The following PCSK5 variants were observed in gnomAD, a reference collection of about 807,000 sequenced individuals.
PCSK5 encodes the protein prohormone convertase 5.
PCSK5 carries 129 observed loss-of-function variants against 233.2 expected under a neutral mutation model. That is an observed-to-expected ratio of 0.55 (90% CI 0.48 to 0.64). The LOEUF (loss-of-function observed/expected upper bound fraction) is 0.64. PCSK5 is among the 30% of genes least tolerant of loss of function. The probability of loss-of-function intolerance (pLI) is 0.00; values close to 1 mark genes in which losing one functional copy is unlikely to be tolerated. For missense variants in PCSK5, 2,076 were observed against 2,430.1 expected, an observed-to-expected ratio of 0.85 and a Z score of 3.06; for synonymous variants, 825 against 879.2, an observed-to-expected ratio of 0.94 and a Z score of 1.09.
intron 30 of PCSK5, among the ~76,000 whole-genome samples, chr9:76,311,296 AGCTGTGATT>A (rs576557179): frequency 0.01 from 1,570 of 151,800 alleles, 24 homozygotes; most frequent in African/African-American, 0.036. Flanking sequence ...GATTGCAGTG[AGCTGTGATT>A]GCACCACTGT....
At chr9:76,114,416 T>C (rs1832346495) in intron 9 of PCSK5, among the ~76,000 whole-genome samples, 1 of 152,114 alleles carries the variant, frequency 6.6e-6, no homozygotes, top group African/African-American at 2.4e-5. Context: ...CTTCTCAAGT[T>C]CAAATTATGT....
At chr9:76,295,168 A>G in intron 25 of PCSK5, 107 bp from the exon 26 acceptor site, 2 of 1,053,198 alleles carry the variant, frequency 1.9e-6, no homozygotes, top group Middle Eastern at 2.5e-4. Flanking sequence ...AAAACAAAAC[A>G]AAACGAAACA....
At chr9:76,197,441 T>G (rs1269006324) in intron 20 of PCSK5, among the ~76,000 whole-genome samples, 2 of 152,314 alleles carry the variant, frequency 1.3e-5, no homozygotes, top group African/African-American at 2.4e-5. Flanking sequence ...GGGAAGTGAT[T>G]GCTATAGTAA....
chr9:76,343,333 TTGTGTG>T (rs57513234), intron 35 of PCSK5, among the ~76,000 whole-genome samples: 4,677 of 133,824 alleles, frequency 0.035, 94 homozygotes, highest in Non-Finnish European at 0.044. Context: ...CCTGGGTAAT[TTGTGTG>T]TGTGTGTGTG....
chr9:76,081,411 G>A lies in PCSK5; in HGVS notation c.894+9513G>A, dbSNP rs193038087. Among the ~76,000 whole-genome samples, 571 of 151,992 alleles carry A rather than the reference G, an allele frequency of 3.8e-3. 5 individuals are homozygous for A. The highest frequency in any genetic ancestry group is 0.024 in the South Asian group (114 of 4,814). On this transcript the variant is annotated intron_variant, in intron 7 of 37. Transcript: ENST00000674117. ...AGAGTTTGCAGTGAGTTGAGATTGC[G>A]CCATTGCACTCCAGCCTGGGCAACA...
intron 10 of PCSK5, among the ~76,000 whole-genome samples, chr9:76,150,039 T>C (rs1310735407): frequency 6.6e-6 from 1 of 152,220 alleles, no homozygotes; most frequent in African/African-American, 2.4e-5. Flanking sequence ...TGTGTGTGTA[T>C]ATATAAACAT....
chr9:76,188,946 G>C lies in PCSK5; in HGVS notation c.2381-148G>C, dbSNP rs527573314. ...AAGAGGTTCCATTTTAACTTTGAAG[G>C]CTTTTTTCCCAGGGAAATCAAGAAA... On this transcript the variant is annotated intron_variant, in intron 18 of 37. Coordinates refer to ENST00000674117, the MANE Select transcript of PCSK5 (RefSeq NM_001372043.1). The C allele has an allele frequency of 5.4e-5, 40 of 737,140 alleles. No homozygotes were observed. In the African/African-American group the frequency reaches 7.1e-4, roughly 13 times the overall value. 45.7% of individuals were successfully genotyped at this position (737,140 alleles called of 1,614,324 possible). A position where few individuals can be genotyped will look rare whatever the true frequency, so the allele number is the denominator to read the frequency against.
At chr9:75,964,084 A>G (rs373012841) in intron 2 of PCSK5, among the ~76,000 whole-genome samples, 1 of 152,194 alleles carries the variant, frequency 6.6e-6, no homozygotes, top group East Asian at 1.9e-4. Flanking sequence ...ATTCGAAGCT[A>G]TGTAGGGAGA....
Position 76,341,066 on chromosome 9 carries a change from A to AT in PCSK5, c.4966+2619_4966+2620insT, listed in dbSNP as rs1456928646. The stretch of plus-strand genomic sequence containing the variant: ...CCTGTTTCTACAGAAAAAAAAAAAA[A>AT]ATACAAAAATTAGTCAGGAGTGGTG... On this transcript the variant is annotated intron_variant, in intron 35 of 37. Coordinates refer to ENST00000674117, the MANE Select transcript of PCSK5 (RefSeq NM_001372043.1). Among the ~76,000 whole-genome samples, 306 of 151,646 alleles carry AT rather than the reference A, an allele frequency of 2.0e-3. 3 individuals carry two copies. Among genetic ancestry groups the AT allele is most frequent in the African/African-American group, 7.0e-3 (289 of 41,352 alleles).
intron 24 of PCSK5, among the ~76,000 whole-genome samples, chr9:76,278,766 C>A (rs1409200759): frequency 6.6e-6 from 1 of 152,082 alleles, no homozygotes; most frequent in African/African-American, 2.4e-5. Context: ...GGATTATCAT[C>A]ATTTTTTACA....
At chr9:76,144,954 C>A (rs1399401231) in intron 10 of PCSK5, among the ~76,000 whole-genome samples, 1 of 152,010 alleles carries the variant, frequency 6.6e-6, no homozygotes, top group Non-Finnish European at 1.5e-5. Context: ...GGTGAAACCC[C>A]ATCTCTACTA....
intron 2 of PCSK5, among the ~76,000 whole-genome samples, chr9:75,941,425 C>A (rs1824298721): frequency 6.6e-6 from 1 of 152,024 alleles, no homozygotes; most frequent in African/African-American, 2.4e-5. Context: ...TGCCTCTCAT[C>A]ATCTTACTGG....
chr9:76,071,613 A>G, intron 6 of PCSK5, 113 bp from the exon 7 acceptor site: 1 of 833,876 alleles, frequency 1.2e-6, no homozygotes, highest in African/African-American at 1.7e-5. Flanking sequence ...AGATATGCTC[A>G]CTTAAGTGTT....
chr9:76,205,228 C>T, intron 20 of PCSK5: 1 of 518,962 alleles, frequency 1.9e-6, no homozygotes, highest in South Asian at 1.4e-5. Context: ...GTATTCAACC[C>T]TCCACCTCCC....
At chr9:76,031,824 T>A (rs948880647) in intron 5 of PCSK5, among the ~76,000 whole-genome samples, 8 of 152,230 alleles carry the variant, frequency 5.3e-5, no homozygotes, top group African/African-American at 1.9e-4. Context: ...TATCTAATTC[T>A]TGATAAATAA....
chr9:76,093,009 T>C (rs948068818), intron 7 of PCSK5, among the ~76,000 whole-genome samples: 5 of 151,904 alleles, frequency 3.3e-5, no homozygotes, highest in African/African-American at 1.2e-4. Flanking sequence ...TTCAATTACA[T>C]TTTCACTTTA....
chr9:76,250,121 A>T (rs867418135), intron 24 of PCSK5, among the ~76,000 whole-genome samples: 1 of 152,212 alleles, frequency 6.6e-6, no homozygotes, highest in Non-Finnish European at 1.5e-5. Context: ...CCTGGCCAAC[A>T]TGGTGAAACC....
At chr9:76,022,539 G>A (rs1226565449) in intron 3 of PCSK5, among the ~76,000 whole-genome samples, 3 of 152,138 alleles carry the variant, frequency 2.0e-5, no homozygotes, top group African/African-American at 7.2e-5. Context: ...CTCCTCTTTT[G>A]TTCCTCTCCC....
intron 30 of PCSK5, among the ~76,000 whole-genome samples, chr9:76,317,871 C>T (rs112181511): frequency 6.6e-6 from 1 of 152,148 alleles, no homozygotes; most frequent in Non-Finnish European, 1.5e-5. Flanking sequence ...AGTGTGTAGC[C>T]TGGAGTCAAG....
Sources: gnomAD v4.1 joint callset for allele counts (sites outside exome capture counted in the v4.1 genomes callset) on GRCh38, gnomAD v4.1.1 for gene constraint, MANE v1.5 for transcripts, NCBI Gene and HGNC (gene_info 2026-07-23, HGNC 2026-07-21) for gene names.